The following POMT1 variants were observed in gnomAD, a reference collection of about 807,000 sequenced individuals.
POMT1 encodes the protein protein O-mannosyl-transferase 1.
Under a neutral mutation model 101.6 loss-of-function variants are expected in POMT1, and 85 were observed. That is an observed-to-expected ratio of 0.84 (90% CI 0.70 to 1.00). The LOEUF is 1.00. Among genes scored for constraint, POMT1 ranks in the 50% least tolerant of loss-of-function variants. The pLI is 0.00. For missense variants in POMT1, 857 were observed against 930.4 expected, an observed-to-expected ratio of 0.92 and a Z score of 1.03; for synonymous variants, 371 against 383.0, an observed-to-expected ratio of 0.97 and a Z score of 0.37.
rs1174235618 is a variant in POMT1, at chr9:131,504,186, T to C, written c.-30-3T>C. 3 of 1,613,986 alleles carry C rather than the reference T, an allele frequency of 1.9e-6. No homozygotes were observed. The South Asian group carries it at 3.3e-5, about 18-fold the overall frequency. On this transcript the variant is annotated splice_region_variant and splice_polypyrimidine_tract_variant and intron_variant, in intron 1 of 19. Coordinates refer to ENST00000402686, the MANE Select transcript of POMT1 (RefSeq NM_001077365.2). The stretch of plus-strand genomic sequence containing the variant: ...GGACCACGGCTCCTCCCTTCTTTTC[T>C]AGGGCGTCTGCCTGAGCCCGCTTTT...
In POMT1 at chr9:131,515,432, T is replaced by C. The variant is rs1314278155; in HGVS notation, c.1182T>C (p.Asp394=). ...GMTTRSLNTH[D]VAAPLSPHSQ... is the part of the protein sequence containing the mutation. ...CTCGGTCTTGGTTTTCCAGGCATGA[T>C]GTTGCAGCCCCCCTGAGCCCCCATT... is the stretch of plus-strand genomic sequence containing the variant. The change falls in exon 13 of 20, where the codon GAT becomes GAC. Residue 394 remains aspartate (D), a synonymous_variant. Transcript: ENST00000402686. The C allele has an allele frequency of 6.2e-7, 1 of 1,614,220 alleles. No homozygotes were observed. Among genetic ancestry groups the C allele is most frequent in the South Asian group, 1.1e-5 (1 of 91,090 alleles).
chr9:131,510,930 G>A lies in POMT1; in HGVS notation c.856-407G>A, dbSNP rs150230472. On this transcript the variant is annotated intron_variant, in intron 9 of 19. Coordinates refer to ENST00000402686, the MANE Select transcript of POMT1 (RefSeq NM_001077365.2). ...GCAGTGGTAGAAGGTATCAGTAGAG[G>A]TGGTCAGGACTGTGGTTCCTGAAGT... The A allele has an allele frequency of 6.3e-3, 1,855 of 295,222 alleles. 11 individuals are homozygous for A. Among genetic ancestry groups the A allele is most frequent in the Non-Finnish European group, 9.1e-3 (1,395 of 153,198 alleles). 18.3% of individuals were successfully genotyped at this position (295,222 alleles called of 1,614,324 possible). A position where few individuals can be genotyped will look rare whatever the true frequency, so the allele number is the denominator to read the frequency against.
rs1945019300 is a variant in POMT1 at position 131,503,455 on chromosome 9, A to T, written c.-31+382A>T. On this transcript the variant is annotated intron_variant, in intron 1 of 19. Coordinates refer to ENST00000402686, the MANE Select transcript of POMT1 (RefSeq NM_001077365.2). The surrounding 1 kb of genome is among the most constrained non-coding windows in gnomAD (Gnocchi z 4.4). ...CCCAGGACAGATGGGACCTTTTGGG[A>T]CGAAGGCGCTCAAGGCAGATGCAGC... 1 of 155,816 alleles carries T rather than the reference A, an allele frequency of 6.4e-6. No individual in the cohort carries two copies. Among genetic ancestry groups the T allele is most frequent in the African/African-American group, 2.4e-5 (1 of 41,476 alleles). 9.7% of individuals were successfully genotyped at this position (155,816 alleles called of 1,614,324 possible).
In POMT1 at chr9:131,523,228, G is replaced by A. The variant is rs1021728078; in HGVS notation, c.*122G>A. ...GAGGACACGGGCTGGGCTGAGCAGG[G>A]CCTCTAGTGGAACACATGGGGGTCT... On this transcript the variant is annotated 3_prime_UTR_variant, in exon 20 of 20. Transcript: ENST00000402686. 4 of 1,231,072 alleles carry A rather than the reference G, an allele frequency of 3.2e-6. No individual in the cohort carries two copies. Among genetic ancestry groups the A allele is most frequent in the African/African-American group, 3.0e-5 (2 of 67,298 alleles). 76.3% of individuals were successfully genotyped at this position (1,231,072 alleles called of 1,614,324 possible).
rs559008849 is a variant in POMT1, at chr9:131,522,423, C to T, written c.2003+199C>T. The T allele has an allele frequency of 6.9e-5, 77 of 1,123,170 alleles. No individual in the cohort carries two copies. The highest frequency in any genetic ancestry group is 1.3e-4 in the South Asian group (8 of 62,798). 69.6% of individuals were successfully genotyped at this position (1,123,170 alleles called of 1,614,324 possible). On this transcript the variant is annotated intron_variant, in intron 19 of 19. Transcript: ENST00000402686. This position sits in a 1 kb window ranked among gnomAD's most constrained non-coding sequence, Gnocchi z 5.5. ...TGCAGGAACCCAGAGGGAGAAGTCG[C>T]GGCTGACAGAGATGAAAGCGGAGTG...
At chr9:131,505,243 CAGCA>C (rs1222462980) in intron 2 of POMT1, among the ~76,000 whole-genome samples, 1 of 151,662 alleles carries the variant, frequency 6.6e-6, no homozygotes, top group Non-Finnish European at 1.5e-5. Context: ...TTTTACTTTG[CAGCA>C]AATCCTAGTA....
At position 131,513,323 on chromosome 9, in the gene POMT1, C is replaced by T. The variant is rs1210555820; in HGVS notation, c.1167C>T (p.Ser389=). ...TGGTCCACGGCATGACCACCCGCTC[C>T]CTGAACACGTGAGTGTGCCCGCCGT... is the stretch of plus-strand genomic sequence containing the variant. ...VQLVHGMTTR[S]LNTHDVAAPL... Residue 389 remains serine (S), a synonymous_variant, in exon 12 of 20, where the codon TCC becomes TCT. Transcript: ENST00000402686. The T allele has an allele frequency of 3.3e-5, 53 of 1,611,696 alleles. No homozygotes were observed. The highest frequency in any genetic ancestry group is 4.5e-5 in the Non-Finnish European group (53 of 1,179,836).
rs977684625 is a variant in POMT1, at chr9:131,506,356, G to C, written c.230-47G>C. On this transcript the variant is annotated intron_variant, in intron 3 of 19. Transcript: ENST00000402686. ...GTTTATTGCTTGCCACAGTACTCTAGAAATATTTGCTGAATGGGATAGTTA... is the reference window on the plus strand; with the variant it reads ...GTTTATTGCTTGCCACAGTACTCTACAAATATTTGCTGAATGGGATAGTTA... 7.6e-6 allele frequency: 12 copies of C among 1,588,644 alleles called. No individual in the cohort carries two copies. In the Admixed American group the frequency reaches 1.2e-4, roughly 15 times the overall value.
At chr9:131,508,003 C>T (rs758941935) in intron 5 of POMT1, among the ~76,000 whole-genome samples, 13 of 152,192 alleles carry the variant, frequency 8.5e-5, no homozygotes, top group African/African-American at 1.9e-4. Flanking sequence ...AAGGCTGAGG[C>T]GGGCAGATCA....
Position 131,520,143 on chromosome 9 carries a change from T to G in POMT1, c.1648T>G (p.Trp550Gly). ...CAAGTACAGCTCCAGCCCACTGGAG[T>G]GGGTCACCCTGGACACCAATATTGC... Reference protein sequence around the residue: ...EHKYSSSPLEWVTLDTNIAYW... With the variant: ...EHKYSSSPLEGVTLDTNIAYW... Residue 550 changes from tryptophan (W) to glycine (G), a missense_variant, in exon 17 of 20, where the codon TGG becomes GGG. Physicochemically the swap from Trp to Gly is radical, Grantham distance 184. Coordinates refer to ENST00000402686, the MANE Select transcript of POMT1 (RefSeq NM_001077365.2). 6.2e-7 allele frequency: 1 copy of G among 1,613,610 alleles called. No individual in the cohort carries two copies. Among genetic ancestry groups the G allele is most frequent in the Non-Finnish European group, 8.5e-7 (1 of 1,179,978 alleles).
At position 131,523,454 on chromosome 9, in the gene POMT1, C is replaced by T. The variant is rs7857419; in HGVS notation, c.*348C>T. On this transcript the variant is annotated 3_prime_UTR_variant, in exon 20 of 20. Transcript: ENST00000402686. ...CAGACCAGGGCCTGGTCCTTGCTAA[C>T]TGCTGCAGGGTGGAGTTTGATCTGG... 0.91 allele frequency: 312,181 copies of T among 344,284 alleles called. 142,524 individuals carry two copies. The highest frequency in any genetic ancestry group is 0.97 in the South Asian group (38,976 of 40,214). The allele number at this position is 344,284 out of a possible 1,614,324, so 21.3% of individuals were successfully genotyped here.
intron 12 of POMT1, 134 bp from the exon 13 acceptor site, chr9:131,515,292 A>T (rs969295633): frequency 1.3e-4 from 113 of 864,148 alleles, no homozygotes; most frequent in Non-Finnish European, 1.9e-4. Context: ...GCAGCAACTC[A>T]TGGGACTGGG....
intron 9 of POMT1, chr9:131,511,010 T>G: frequency 6.8e-6 from 2 of 292,180 alleles, no homozygotes; most frequent in South Asian, 8.9e-5. Context: ...AGCAAGTTGT[T>G]TGGCTCACCC....
chr9:131,509,637 G>A (rs2131639139), intron 6 of POMT1, 106 bp from the exon 7 acceptor site: 1 of 1,604,788 alleles, frequency 6.2e-7, no homozygotes, highest in African/African-American at 1.3e-5. Context: ...GGCTCAGCAT[G>A]GCCAGCCGAC....
In POMT1 at chr9:131,512,136, G is replaced by A; in HGVS notation, c.1082G>A (p.Arg361Lys). The change falls in exon 11 of 20, where the codon AGG becomes AAG. Residue 361 changes from arginine to lysine, a missense_variant and splice_region_variant. Arg to Lys is a conservative substitution (Grantham distance 26). Transcript: ENST00000402686. Reference sequence around the variant, plus strand: ...TGGTGGATTGTAAAGGATCCCAGGAGGTGAGTGCAGGTCCTGTGACTCCAG... The same window carrying A: ...TGGTGGATTGTAAAGGATCCCAGGAAGTGAGTGCAGGTCCTGTGACTCCAG... ...NNWWIVKDPR[R>K]HQLVVSSPPR... The A allele has an allele frequency of 6.2e-7, 1 of 1,613,872 alleles. No individual in the cohort carries two copies. The highest frequency in any genetic ancestry group is 8.5e-7 in the Non-Finnish European group (1 of 1,179,926).
Position 131,518,808 on chromosome 9 carries a change from C to T in POMT1, c.1366-29C>T, listed in dbSNP as rs764374332. ...CACGGGAGCCACGGCCTTCCCATCA[C>T]GCCCTTTACTCTCCTGCGGTGTCAC... On this transcript the variant is annotated intron_variant, in intron 14 of 19. Coordinates refer to ENST00000402686, the MANE Select transcript of POMT1 (RefSeq NM_001077365.2). The T allele has an allele frequency of 4.5e-5, 73 of 1,613,758 alleles. 1 individual carries two copies. Among genetic ancestry groups the T allele is most frequent in the Admixed American group, 2.2e-4 (13 of 60,004 alleles).
Position 131,522,464 on chromosome 9 carries a change from A to T in POMT1, c.2003+240A>T. On this transcript the variant is annotated intron_variant, in intron 19 of 19. Coordinates refer to ENST00000402686, the MANE Select transcript of POMT1 (RefSeq NM_001077365.2). The surrounding 1 kb of genome is among the most constrained non-coding windows in gnomAD (Gnocchi z 5.5). ...AAGCGGAGTGGGTGGGGAGACGGGGAGGGGATGAAGAGATGTGGGTGGCCT... is the reference window on the plus strand; with the variant it reads ...AAGCGGAGTGGGTGGGGAGACGGGGTGGGGATGAAGAGATGTGGGTGGCCT... 1 of 759,524 alleles carries T rather than the reference A, an allele frequency of 1.3e-6. No individual in the cohort carries two copies. The highest frequency in any genetic ancestry group is 2.0e-6 in the Non-Finnish European group (1 of 488,666). 47.0% of individuals were successfully genotyped at this position (759,524 alleles called of 1,614,324 possible). A position where few individuals can be genotyped will look rare whatever the true frequency, so the allele number is the denominator to read the frequency against.
chr9:131,517,553 A>C (rs1948967849), intron 13 of POMT1, among the ~76,000 whole-genome samples: 1 of 152,234 alleles, frequency 6.6e-6, no homozygotes, highest in East Asian at 1.9e-4. Flanking sequence ...CGCTGGGATG[A>C]CAAGTGTGAG....
intron 2 of POMT1, among the ~76,000 whole-genome samples, chr9:131,505,869 G>T (rs1438344878): frequency 6.6e-6 from 1 of 152,122 alleles, no homozygotes; most frequent in Non-Finnish European, 1.5e-5. Flanking sequence ...GGGAGAGACA[G>T]AATCTGTATG....
Sources: gnomAD v4.1 joint callset for allele counts (sites outside exome capture counted in the v4.1 genomes callset) on GRCh38, gnomAD v4.1.1 for gene constraint, Gnocchi (gnomAD v3.1) non-coding constraint, MANE v1.5 for transcripts, NCBI Gene and HGNC (gene_info 2026-07-23, HGNC 2026-07-21) for gene names.